Variants in C4orf51 observed in about 807,000 individuals in gnomAD.
C4orf51 encodes the protein uncharacterized protein C4orf51.
In C4orf51, 25 loss-of-function variants were observed where a neutral mutation model predicts 25.2. The observed-to-expected ratio is 0.99, with a 90% CI of 0.72 to 1.39. C4orf51 has a LOEUF of 1.39. Ranked by LOEUF, C4orf51 falls within the 40% of genes most tolerant of loss-of-function variation. C4orf51 has a pLI of 0.00. For missense variants in C4orf51, 252 were observed against 239.6 expected, an observed-to-expected ratio of 1.05 and a Z score of -0.34; for synonymous variants, 100 against 84.5, an observed-to-expected ratio of 1.18 and a Z score of -1.01.
At chr4:145,693,638 C>T (rs1200518140) in intron 1 of C4orf51, among the ~76,000 whole-genome samples, 7 of 116,904 alleles carry the variant, frequency 6.0e-5, no homozygotes, top group South Asian at 3.3e-4. Context: ...ACCTCCCGGA[C>T]GGGGCGGCTG....
intron 3 of C4orf51, 102 bp from the exon 4 acceptor site, chr4:145,729,067 G>T: frequency 1.2e-6 from 1 of 823,014 alleles, no homozygotes; most frequent in East Asian, 2.7e-5. Flanking sequence ...AGTGCTTTCT[G>T]AATGCAGGGG....
chr4:145,759,894 T>C (rs886124545), intron 1 of C4orf51: 4 of 152,198 alleles, frequency 2.6e-5, no homozygotes, highest in African/African-American at 7.2e-5. Flanking sequence ...AATTAATACA[T>C]CTCATATATA....
intron 2 of C4orf51, among the ~76,000 whole-genome samples, chr4:145,705,751 C>A (rs1305615413): frequency 1.3e-5 from 2 of 152,026 alleles, no homozygotes; most frequent in East Asian, 3.8e-4. Context: ...GGACAGTATC[C>A]CTCACTGATG....
intron 1 of C4orf51, among the ~76,000 whole-genome samples, chr4:145,691,284 C>A (rs1227066614): frequency 6.6e-6 from 1 of 151,948 alleles, no homozygotes; most frequent in African/African-American, 2.4e-5. Flanking sequence ...AATAAAAAGT[C>A]AAAAAATAAC....
At position 145,696,431 on chromosome 4, in the gene C4orf51, C is replaced by T. The variant is rs967979396; in HGVS notation, c.234-128C>T. 3 of 749,914 alleles carry T rather than the reference C, an allele frequency of 4.0e-6. No individual in the cohort carries two copies. The African/African-American group carries it at 5.3e-5, about 13-fold the overall frequency. 46.5% of individuals were successfully genotyped at this position (749,914 alleles called of 1,614,324 possible). On this transcript the variant is annotated intron_variant, in intron 1 of 5. Transcript: ENST00000438731. ...AGTTTATCTAAATAACAAACCTTCA[C>T]ATGTACTCCCAAACCTAAAATGAAA...
chr4:145,727,335 C>G (rs1732120587), intron 3 of C4orf51, among the ~76,000 whole-genome samples: 1 of 152,032 alleles, frequency 6.6e-6, no homozygotes. Context: ...GAAATCTTCC[C>G]CCAGGGACAA....
chr4:145,779,173 T>G, the C4orf51 span, among the ~76,000 whole-genome samples: 3 of 152,266 alleles, frequency 2.0e-5, no homozygotes, highest in African/African-American at 7.2e-5. Context: ...CGGTCCTACC[T>G]GGAACTCAAT....
intron 2 of C4orf51, among the ~76,000 whole-genome samples, chr4:145,721,439 C>T (rs1290148866): frequency 6.6e-6 from 1 of 151,676 alleles, no homozygotes; most frequent in Non-Finnish European, 1.5e-5. Flanking sequence ...CCACACTAAA[C>T]ATGACAGCTA....
At chr4:145,774,252 C>G (rs935019782), downstream of C4orf51, among the ~76,000 whole-genome samples, 3 of 152,164 alleles carry the variant, frequency 2.0e-5, no homozygotes, top group Non-Finnish European at 4.4e-5. Flanking sequence ...GGATGAGCAA[C>G]AAGCAAAGAG....
chr4:145,779,490 T>C, the C4orf51 span: 4 of 1,613,928 alleles, frequency 2.5e-6, no homozygotes, highest in Admixed American at 6.7e-5. Context: ...ATTTCCTGCC[T>C]CTAGGACTAT....
At chr4:145,713,513 G>A (rs758473107) in intron 2 of C4orf51, among the ~76,000 whole-genome samples, 13 of 152,182 alleles carry the variant, frequency 8.5e-5, no homozygotes, top group Admixed American at 4.6e-4. Flanking sequence ...TAGAATTAGA[G>A]GTGGAGCCTA....
In C4orf51 at chr4:145,696,549, C is replaced by G; in HGVS notation, c.234-10C>G. The G allele has an allele frequency of 6.2e-7, 1 of 1,610,114 alleles. No homozygotes were observed. Among genetic ancestry groups the G allele is most frequent in the Non-Finnish European group, 8.5e-7 (1 of 1,176,538 alleles). On this transcript the variant is annotated splice_polypyrimidine_tract_variant and intron_variant, in intron 1 of 5. Transcript: ENST00000438731. ...ATTTGTAACTTGTTTCTTCTACTTG[C>G]TTTCCTTAGGATGTCATTGACAAAC...
At chr4:145,703,948 A>G (rs764825099) in intron 2 of C4orf51, among the ~76,000 whole-genome samples, 2 of 152,240 alleles carry the variant, frequency 1.3e-5, no homozygotes, top group Non-Finnish European at 2.9e-5. Context: ...AGGCATAAAA[A>G]TTTATTTAAC....
chr4:145,770,324 AAATAAATAAATAAATAAATAAAT>A (rs1736064721), intron 1 of C4orf51, among the ~76,000 whole-genome samples: 6 of 145,406 alleles, frequency 4.1e-5, no homozygotes, highest in Non-Finnish European at 9.0e-5. Context: ...ATAAATAAAT[AAATAAATAAATAAATAAATAAAT>A]AAAATAGATC....
intron 1 of C4orf51, among the ~76,000 whole-genome samples, chr4:145,683,542 T>C (rs544183295): frequency 5.9e-5 from 9 of 152,208 alleles, no homozygotes; most frequent in Non-Finnish European, 8.8e-5. Flanking sequence ...GTAGTATTGG[T>C]GAGAGAACAG....
In C4orf51 at chr4:145,695,234, AC is replaced by A. The variant is rs571487810; in HGVS notation, c.234-1323del. 2.4e-3 allele frequency among the ~76,000 whole-genome samples: 361 copies of A among 152,294 alleles called. 2 individuals are homozygous for A. The highest frequency in any genetic ancestry group is 3.9e-3 in the Non-Finnish European group (264 of 68,022). On this transcript the variant is annotated intron_variant, in intron 1 of 5. Transcript: ENST00000438731. ...GTAAAAGTGTTCTCTTTTCTCTGCA[AC>A]CTTGCCAGCATCTGTTATTTTTGAC... is the stretch of plus-strand genomic sequence containing the variant.
intron 2 of C4orf51, among the ~76,000 whole-genome samples, chr4:145,719,595 A>AG (rs1396581561): frequency 6.6e-5 from 10 of 150,682 alleles, no homozygotes; most frequent in Non-Finnish European, 1.3e-4. Flanking sequence ...TCTCAAAAAA[A>AG]AAAAAAAAAA....
the C4orf51 span, among the ~76,000 whole-genome samples, chr4:145,784,119 C>G: frequency 1.3e-5 from 2 of 152,140 alleles, no homozygotes; most frequent in African/African-American, 4.8e-5. Flanking sequence ...CTGAGGCCTC[C>G]CCAGAAGCCA....
At position 145,680,324 on chromosome 4, in the gene C4orf51, T is replaced by G. The variant is rs1283872394; in HGVS notation, c.121T>G (p.Ser41Ala). ...ATCTTGGCAGGATGAAACACGATGG[T>G]CAGATTCTTCCGTGACAACATACAC... Reference protein sequence around the residue: ...GASWQDETRWSDSSVTTYTGS... With the variant: ...GASWQDETRWADSSVTTYTGS... The change falls in exon 1 of 6, where the codon TCA (serine) becomes GCA (alanine). Residue 41 changes from serine to alanine, a missense_variant. Coordinates refer to ENST00000438731, the MANE Select transcript of C4orf51 (RefSeq NM_001080531.3). 6.2e-7 allele frequency: 1 copy of G among 1,613,968 alleles called. No homozygotes were observed. The highest frequency in any genetic ancestry group is 2.2e-5 in the East Asian group (1 of 44,876).
Sources: allele counts gnomAD v4.1 joint callset (sites outside exome capture counted in the v4.1 genomes callset), GRCh38; gene constraint gnomAD v4.1.1; transcripts MANE v1.5; gene names NCBI Gene and HGNC (gene_info 2026-07-23, HGNC 2026-07-21).